The following SLC25A48 variants were observed in gnomAD, a reference collection of about 807,000 sequenced individuals.
SLC25A48 encodes the protein CTC-321K16.1.
SLC25A48 carries 29 observed loss-of-function variants against 32.2 expected under a neutral mutation model. The ratio of observed to expected loss-of-function variants is 0.90; its 90% CI spans 0.67 to 1.23. The LOEUF (loss-of-function observed/expected upper bound fraction) is 1.23. Among genes scored for constraint, SLC25A48 ranks in the 50% most tolerant of loss-of-function variants. The pLI, the probability that SLC25A48 is intolerant of heterozygous loss-of-function variation, is 0.00. For missense variants in SLC25A48, 399 were observed against 422.7 expected (o/e 0.94, Z 0.49); for synonymous variants, 164 against 172.3 (o/e 0.95, Z 0.38).
At chr5:135,691,023 C>T (rs566811539) in intron 3 of SLC25A48, among the ~76,000 whole-genome samples, 6 of 151,892 alleles carry the variant, frequency 4.0e-5, no homozygotes, top group African/African-American at 1.4e-4. Flanking sequence ...TCTGACTTGT[C>T]GTTTAAGAAA....
intron 3 of SLC25A48, among the ~76,000 whole-genome samples, chr5:135,644,134 T>C (rs1264469810): frequency 1.3e-5 from 2 of 152,078 alleles, no homozygotes; most frequent in Non-Finnish European, 2.9e-5. Flanking sequence ...AGAAGATGAT[T>C]CATGAGACAG....
intron 4 of SLC25A48, among the ~76,000 whole-genome samples, chr5:135,817,132 C>G (rs570997241): frequency 6.6e-6 from 1 of 152,132 alleles, no homozygotes; most frequent in African/African-American, 2.4e-5. Context: ...ATTTCCCCCC[C>G]AGGGAACATC....
At chr5:135,595,103 G>T (rs62366003) in intron 1 of SLC25A48, among the ~76,000 whole-genome samples, 39,909 of 151,954 alleles carry the variant, frequency 0.26, 5,566 homozygotes, top group East Asian at 0.41. Context: ...ACAGTCCCTG[G>T]TGGAGGCAGG....
At chr5:135,796,708 C>T in intron 3 of SLC25A48, among the ~76,000 whole-genome samples, 1 of 151,436 alleles carries the variant, frequency 6.6e-6, no homozygotes, top group East Asian at 1.9e-4. Flanking sequence ...TTGTAATATC[C>T]ATTGTGAAGA....
Position 135,767,694 on chromosome 5 carries a change from G to A in SLC25A48, c.-520-44829G>A, listed in dbSNP as rs566115325. ...GATATTACTCCTATTATTGCAGGGG[G>A]TGTACACCCACCTGTGATATTGTCC... On this transcript the variant is annotated intron_variant, in intron 3 of 10. Coordinates refer to the SLC25A48 transcript ENST00000646290. Among the ~76,000 whole-genome samples, 29 of 151,882 alleles carry A rather than the reference G, an allele frequency of 1.9e-4. 1 individual carries two copies. The highest frequency in any genetic ancestry group is 6.3e-4 in the African/African-American group (26 of 41,394).
At chr5:135,580,815 G>C (rs949774598) in intron 1 of SLC25A48, among the ~76,000 whole-genome samples, 2 of 152,128 alleles carry the variant, frequency 1.3e-5, no homozygotes, top group African/African-American at 4.8e-5. Context: ...TGCTTTGTGT[G>C]CACATGTACA....
chr5:135,788,692 G>T lies in SLC25A48; in HGVS notation c.-520-23831G>T, dbSNP rs1018081770. The stretch of plus-strand genomic sequence containing the variant: ...CCACCATATGGTCTCTAATATCCAG[G>T]GGGGGAAGAGGGTGACATTATTCCC... On this transcript the variant is annotated intron_variant, in intron 3 of 10. Coordinates refer to the SLC25A48 transcript ENST00000646290. 3.3e-5 allele frequency among the ~76,000 whole-genome samples: 5 copies of T among 150,074 alleles called. No homozygotes were observed. In the East Asian group the frequency reaches 1.0e-3, roughly 30 times the overall value.
chr5:135,784,638 T>C (rs1756793164), intron 3 of SLC25A48, among the ~76,000 whole-genome samples: 1 of 117,608 alleles, frequency 8.5e-6, no homozygotes, highest in South Asian at 3.0e-4. Context: ...GCATGGGGGG[T>C]ATACCCACCC....
At chr5:135,729,502 A>G (rs1580820343) in intron 3 of SLC25A48, among the ~76,000 whole-genome samples, 1 of 152,342 alleles carries the variant, frequency 6.6e-6, no homozygotes, top group South Asian at 2.1e-4. Flanking sequence ...ATTTTGCAAT[A>G]CATTTTTAAA....
chr5:135,722,293 T>G (rs1248252307), intron 3 of SLC25A48, among the ~76,000 whole-genome samples: 1 of 152,218 alleles, frequency 6.6e-6, no homozygotes, highest in African/African-American at 2.4e-5. Context: ...TTTGTCTCTC[T>G]GATGGTTCAA....
chr5:135,705,595 T>C (rs1176131704), intron 3 of SLC25A48, among the ~76,000 whole-genome samples: 1 of 152,254 alleles, frequency 6.6e-6, no homozygotes. Flanking sequence ...AGTGCCTACA[T>C]AAGTGGTAAC....
At chr5:135,657,557 T>G (rs801553) in intron 3 of SLC25A48, among the ~76,000 whole-genome samples, 50,977 of 152,132 alleles carry the variant, frequency 0.34, 8,902 homozygotes, top group East Asian at 0.62. Context: ...GGAACTGTCG[T>G]TTACAGACTG....
At chr5:135,705,474 C>T (rs573384153) in intron 3 of SLC25A48, among the ~76,000 whole-genome samples, 43 of 152,326 alleles carry the variant, frequency 2.8e-4, no homozygotes, top group African/African-American at 1.0e-3. Flanking sequence ...GTGATTAGCA[C>T]ACTGTAAATA....
intron 3 of SLC25A48, among the ~76,000 whole-genome samples, chr5:135,685,356 C>T (rs1437015405): frequency 4.7e-5 from 7 of 149,818 alleles, no homozygotes; most frequent in Admixed American, 2.0e-4. Flanking sequence ...TAAGAAAATT[C>T]GACTCTTGTA....
chr5:135,888,125 G>A lies in SLC25A48; in HGVS notation c.*101G>A. On this transcript the variant is annotated 3_prime_UTR_variant, in exon 8 of 8. Coordinates refer to ENST00000681962, the MANE Select transcript of SLC25A48 (RefSeq NM_001349336.2). ...AGATGTTTGGCCTTTGGACCTCCAA[G>A]TGGACATCAATTAGCAAGCGTGGGC... 1 of 1,545,394 alleles carries A rather than the reference G, an allele frequency of 6.5e-7. No individual in the cohort carries two copies. The highest frequency in any genetic ancestry group is 8.8e-7 in the Non-Finnish European group (1 of 1,141,684).
intron 3 of SLC25A48, among the ~76,000 whole-genome samples, chr5:135,784,348 CT>C (rs1286988015): frequency 8.6e-6 from 1 of 116,480 alleles, no homozygotes; most frequent in East Asian, 2.1e-4. Flanking sequence ...TTCCACCCCC[CT>C]GTGATATAGT....
At chr5:135,781,762 AT>A (rs939817487) in intron 3 of SLC25A48, among the ~76,000 whole-genome samples, 5 of 116,882 alleles carry the variant, frequency 4.3e-5, no homozygotes, top group African/African-American at 1.3e-4. Context: ...AGTACCTAAC[AT>A]CCATGGGAAA....
At chr5:135,840,253 A>G (rs907982457) in intron 1 of SLC25A48, among the ~76,000 whole-genome samples, 2 of 152,294 alleles carry the variant, frequency 1.3e-5, no homozygotes, top group South Asian at 4.2e-4. Context: ...GGTATTTTAT[A>G]TGCATTACTG....
At chr5:135,811,700 T>A (rs182417407) in intron 3 of SLC25A48, among the ~76,000 whole-genome samples, 270 of 151,274 alleles carry the variant, frequency 1.8e-3, no homozygotes, top group Non-Finnish European at 2.7e-3. Context: ...GTAAGTAATT[T>A]AAAAAAAAAT....
Sources: allele counts gnomAD v4.1 joint callset (sites outside exome capture counted in the v4.1 genomes callset), GRCh38; gene constraint gnomAD v4.1.1; transcripts MANE v1.5; gene names NCBI Gene and HGNC (gene_info 2026-07-23, HGNC 2026-07-21).